The following RMP64 variants were observed in gnomAD, a reference collection of about 807,000 sequenced individuals.
The protein encoded by RMP64 is ribonuclease MRP subunit p64.
chr3:113,008,399 G>C, the RMP64 span: 1 of 1,612,194 alleles, frequency 6.2e-7, no homozygotes, highest in African/African-American at 1.3e-5. Context: ...CTTTAGTCTG[G>C]ATTGAGAACA....
chr3:113,013,170 T>G, the RMP64 span: 3 of 1,277,206 alleles, frequency 2.3e-6, no homozygotes. Flanking sequence ...TCCTGTAGGT[T>G]GTAACTCCTA....
the RMP64 span, chr3:113,013,383 G>A: frequency 2.5e-6 from 4 of 1,609,650 alleles, no homozygotes; most frequent in Non-Finnish European, 3.4e-6. Flanking sequence ...ACATACTTTG[G>A]TAGTTAAGGG....
the RMP64 span, chr3:113,008,541 T>C: frequency 2.2e-6 from 2 of 911,248 alleles, no homozygotes; most frequent in Non-Finnish European, 3.4e-6. Flanking sequence ...GAATTATCAG[T>C]CCCTAAATGC....
At chr3:113,017,594 T>C in the RMP64 span, 8 of 1,613,888 alleles carry the variant, frequency 5.0e-6, no homozygotes, top group African/African-American at 1.3e-5. Context: ...ACAGCTGCAA[T>C]GCAAAGGTCT....
chr3:113,011,489 A>G, the RMP64 span: 1 of 1,265,402 alleles, frequency 7.9e-7, no homozygotes, highest in Non-Finnish European at 1.1e-6. Context: ...TTGAAAGCTG[A>G]AAATAAATGG....
chr3:113,005,660 A>G, the RMP64 span: 3 of 1,613,950 alleles, frequency 1.9e-6, no homozygotes, highest in Admixed American at 5.0e-5. Context: ...GATGCCTCTA[A>G]GATTTTCATG....
the RMP64 span, chr3:113,008,304 T>C: frequency 1.2e-6 from 2 of 1,614,198 alleles, no homozygotes; most frequent in Non-Finnish European, 1.7e-6. Flanking sequence ...GAAAGTTGTG[T>C]GAAGGACTCA....
At chr3:113,008,345 G>T in the RMP64 span, 1 of 1,613,760 alleles carries the variant, frequency 6.2e-7, no homozygotes, top group East Asian at 2.2e-5. Flanking sequence ...AAAACTTTTG[G>T]CATGAGGAGT....
the RMP64 span, chr3:113,010,784 C>T: frequency 8.5e-7 from 1 of 1,173,314 alleles, no homozygotes; most frequent in Non-Finnish European, 1.2e-6. Context: ...AAGTGCATGA[C>T]ATTTCTTGCC....
chr3:113,008,877 A>G, the RMP64 span: 1 of 156,986 alleles, frequency 6.4e-6, no homozygotes, highest in Non-Finnish European at 1.4e-5. Flanking sequence ...CAATAAAAAA[A>G]CCCCACATGA....
the RMP64 span, chr3:113,003,008 T>C: frequency 6.6e-6 from 1 of 151,580 alleles, no homozygotes; most frequent in Admixed American, 6.6e-5. Flanking sequence ...ACACAGGAGG[T>C]CTCAAACACT....
At chr3:113,015,956 A>C in the RMP64 span, among the ~76,000 whole-genome samples, 59 of 152,260 alleles carry the variant, frequency 3.9e-4, no homozygotes, top group East Asian at 0.01. Flanking sequence ...AGAAAGGCTT[A>C]AAATGGGACT....
the RMP64 span, among the ~76,000 whole-genome samples, chr3:113,006,796 G>A: frequency 2.4e-4 from 36 of 152,250 alleles, no homozygotes; most frequent in Non-Finnish European, 4.9e-4. Context: ...GAAGGTGGGT[G>A]TACTTCAGAG....
chr3:113,010,731 C>T, the RMP64 span: 1 of 1,587,158 alleles, frequency 6.3e-7, no homozygotes, highest in South Asian at 1.1e-5. Context: ...ATTGCAGATA[C>T]AAAACCTTAG....
the RMP64 span, chr3:113,005,408 C>T: frequency 1.6e-6 from 1 of 636,776 alleles, no homozygotes; most frequent in Non-Finnish European, 2.8e-6. Flanking sequence ...GAAATGAACT[C>T]CTGTGCAATG....
the RMP64 span, chr3:113,012,623 A>AC: frequency 1.5e-6 from 1 of 666,416 alleles, no homozygotes; most frequent in South Asian, 2.0e-5. Flanking sequence ...GAAAGAGAAT[A>AC]CCTGCACCTT....
chr3:113,017,745 T>A, the RMP64 span: 3 of 663,288 alleles, frequency 4.5e-6, no homozygotes, highest in Non-Finnish European at 7.3e-6. Flanking sequence ...TGTAAGAACG[T>A]AAGGATTCTA....
chr3:113,012,361 T>C, the RMP64 span, among the ~76,000 whole-genome samples: 1 of 152,226 alleles, frequency 6.6e-6, no homozygotes, highest in East Asian at 1.9e-4. Flanking sequence ...ATATGACTAC[T>C]ACCAACAATT....
chr3:113,009,128 CA>C, the RMP64 span, among the ~76,000 whole-genome samples: 1 of 152,106 alleles, frequency 6.6e-6, no homozygotes, highest in African/African-American at 2.4e-5. Flanking sequence ...CTCAATTGAG[CA>C]ACACTTCCAA....
Sources: allele counts gnomAD v4.1 joint callset (sites outside exome capture counted in the v4.1 genomes callset), GRCh38; gene constraint gnomAD v4.1.1; transcripts MANE v1.5; gene names NCBI Gene and HGNC (gene_info 2026-07-23, HGNC 2026-07-21).